The following TMEM263 variants were observed in gnomAD, a reference collection of about 807,000 sequenced individuals.
TMEM263 encodes the protein UPF0444 transmembrane protein C12orf23.
A neutral mutation model predicts 8.6 loss-of-function variants in TMEM263; 5 were observed. The ratio of observed to expected loss-of-function variants is 0.58; its 90% CI spans 0.31 to 1.23. The LOEUF (loss-of-function observed/expected upper bound fraction) is 1.23. Ranked by LOEUF, TMEM263 falls within the 50% of genes most tolerant of loss-of-function variation. The pLI is 0.07. For synonymous variants in TMEM263, 50 were observed against 47.9 expected (o/e 1.04, Z -0.18); for missense variants, 104 against 138.8 (o/e 0.75, Z 1.26).
At chr12:106,970,114 GA>G (rs1298628780) in intron 3 of TMEM263, among the ~76,000 whole-genome samples, 4 of 152,114 alleles carry the variant, frequency 2.6e-5, no homozygotes, top group African/African-American at 4.8e-5. Flanking sequence ...TTTAAATGAT[GA>G]ATAGTTTTTT....
chr12:106,963,013 G>T lies in TMEM263; in HGVS notation c.-6-4098G>T, dbSNP rs571064494. Among the ~76,000 whole-genome samples the T allele has an allele frequency of 9.9e-5, 15 of 152,256 alleles. 1 individual carries two copies. The South Asian group carries it at 3.1e-3, about 32-fold the overall frequency. On this transcript the variant is annotated intron_variant, in intron 2 of 3. Coordinates refer to ENST00000280756, the MANE Select transcript of TMEM263 (RefSeq NM_152261.4). ...GGTGAAAATGATAAGAAGAGTGGAG[G>T]GTGCTCATCTATTATAAGGTGGTCA...
At chr12:106,965,958 C>G (rs1951840157) in intron 2 of TMEM263, among the ~76,000 whole-genome samples, 1 of 151,970 alleles carries the variant, frequency 6.6e-6, no homozygotes, top group Non-Finnish European at 1.5e-5. Context: ...AGGACTTTCT[C>G]AGATAGAACA....
intron 2 of TMEM263, among the ~76,000 whole-genome samples, chr12:106,963,977 C>T (rs1278692223): frequency 3.3e-5 from 5 of 151,902 alleles, no homozygotes; most frequent in Admixed American, 6.6e-5. Context: ...ATGTAATTTC[C>T]CATATTTCTC....
chr12:106,968,491 G>A (rs1228003648), intron 3 of TMEM263, among the ~76,000 whole-genome samples: 2 of 152,160 alleles, frequency 1.3e-5, no homozygotes, highest in Admixed American at 6.5e-5. Context: ...CTGGAACCAT[G>A]GAGTTTTGAA....
At chr12:106,965,332 C>T (rs1011107815) in intron 2 of TMEM263, among the ~76,000 whole-genome samples, 1 of 152,116 alleles carries the variant, frequency 6.6e-6, no homozygotes, top group African/African-American at 2.4e-5. Flanking sequence ...CTTGGCCGGG[C>T]GCAGTGGCTT....
In TMEM263 at chr12:106,958,449, T is replaced by G. The variant is rs1173205364; in HGVS notation, c.-7+1300T>G. On this transcript the variant is annotated intron_variant, in intron 2 of 3. Transcript: ENST00000280756. The stretch of plus-strand genomic sequence containing the variant: ...AATTACCCTTTAGGGAATTGTGTTG[T>G]TAATCCTTGCTCAGTGTATTTGCCA... 2.0e-5 allele frequency among the ~76,000 whole-genome samples: 3 copies of G among 152,362 alleles called. No individual in the cohort carries two copies. The South Asian group carries it at 6.2e-4, about 32-fold the overall frequency.
Position 106,971,150 on chromosome 12 carries a change from G to A in TMEM263, c.110G>A (p.Arg37His), listed in dbSNP as rs367710748. The change falls in exon 4 of 4, where the codon CGT (arginine) becomes CAT (histidine). Residue 37 changes from arginine (R) to histidine (H), a missense_variant. Arg to His is a conservative substitution (Grantham distance 29). Transcript: ENST00000280756. ...HPQQQPGMLS[R>H]VTGGIFSVTK... ...CAGCAGCAGCCAGGCATGTTGTCCC[G>A]TGTGACTGGGGGTATCTTCAGTGTT... is the stretch of plus-strand genomic sequence containing the variant. 1.5e-5 allele frequency: 24 copies of A among 1,614,050 alleles called. No individual in the cohort carries two copies. The highest frequency in any genetic ancestry group is 1.6e-4 in the Middle Eastern group (1 of 6,084).
In TMEM263 at chr12:106,956,065, G is replaced by T; in HGVS notation, c.-75G>T. On this transcript the variant is annotated splice_region_variant and 5_prime_UTR_variant, in exon 1 of 4. Coordinates refer to ENST00000280756, the MANE Select transcript of TMEM263 (RefSeq NM_152261.4). Reference sequence around the variant, plus strand: ...CCCTAGCGCTGGCCGCGACCCCGGCGGTGAGTGAGTCGGGATGCGAGGGCA... The same window carrying T: ...CCCTAGCGCTGGCCGCGACCCCGGCTGTGAGTGAGTCGGGATGCGAGGGCA... 1.0e-6 allele frequency: 1 copy of T among 984,466 alleles called. No homozygotes were observed. The highest frequency in any genetic ancestry group is 1.2e-6 in the Non-Finnish European group (1 of 829,078). The allele number at this position is 984,466 out of a possible 1,614,324, so 61.0% of individuals were successfully genotyped here.
chr12:106,966,803 C>A (rs1951853687), intron 2 of TMEM263: 1 of 267,808 alleles, frequency 3.7e-6, no homozygotes, highest in African/African-American at 2.3e-5. Flanking sequence ...TTCCAGCTCT[C>A]TTTCAGTGAG....
chr12:106,960,745 A>G (rs1951762396), intron 2 of TMEM263, among the ~76,000 whole-genome samples: 1 of 152,108 alleles, frequency 6.6e-6, no homozygotes, highest in Non-Finnish European at 1.5e-5. Flanking sequence ...CAATGCTCAA[A>G]GCACTTTTCA....
At chr12:106,966,349 A>G (rs1012810199) in intron 2 of TMEM263, among the ~76,000 whole-genome samples, 1 of 152,244 alleles carries the variant, frequency 6.6e-6, no homozygotes, top group African/African-American at 2.4e-5. Context: ...ATAGTGTTCC[A>G]TGATGTATAT....
Position 106,971,162 on chromosome 12 carries a change from G to C in TMEM263, c.122G>C (p.Gly41Ala), listed in dbSNP as rs1951915657. ...GGCATGTTGTCCCGTGTGACTGGGG[G>C]TATCTTCAGTGTTACAAAGGGAGCT... The part of the protein sequence containing the change: ...QPGMLSRVTG[G>A]IFSVTKGAVG... Residue 41 changes from glycine to alanine, a missense_variant, in exon 4 of 4, where the codon GGT (glycine) becomes GCT (alanine). Transcript: ENST00000280756. 6.2e-7 allele frequency: 1 copy of C among 1,614,214 alleles called. No individual in the cohort carries two copies. Among genetic ancestry groups the C allele is most frequent in the Non-Finnish European group, 8.5e-7 (1 of 1,180,028 alleles).
Position 106,957,139 on chromosome 12 carries a change from A to C in TMEM263, c.-17A>C. 2 of 986,044 alleles carry C rather than the reference A, an allele frequency of 2.0e-6. No individual in the cohort carries two copies. Among genetic ancestry groups the C allele is most frequent in the Non-Finnish European group, 2.4e-6 (2 of 830,598 alleles). 61.1% of individuals were successfully genotyped at this position (986,044 alleles called of 1,614,324 possible). ...AGGGGTTCCCCAGGAATATCGATAC[A>C]ACACCAACAGGTAAACGCGCGCGCC... On this transcript the variant is annotated 5_prime_UTR_variant, in exon 2 of 4. Coordinates refer to ENST00000280756, the MANE Select transcript of TMEM263 (RefSeq NM_152261.4).
At chr12:106,966,860 CTT>C (rs1951854088) in intron 2 of TMEM263, 1 of 375,106 alleles carries the variant, frequency 2.7e-6, no homozygotes. Context: ...CATAGGAAAA[CTT>C]ATACTATGAC....
chr12:106,959,186 T>A (rs545802787), intron 2 of TMEM263: 1 of 152,324 alleles, frequency 6.6e-6, no homozygotes, highest in East Asian at 1.9e-4. Flanking sequence ...AGATAGTTTG[T>A]ATAGAATTTA....
At chr12:106,962,913 A>G (rs1244222581) in intron 2 of TMEM263, among the ~76,000 whole-genome samples, 1 of 152,222 alleles carries the variant, frequency 6.6e-6, no homozygotes, top group East Asian at 1.9e-4. Context: ...CTGGTGATAG[A>G]GTAGTGAACA....
Position 106,971,720 on chromosome 12 carries a change from A to C in TMEM263, c.*329A>C, listed in dbSNP as rs563487525. On this transcript the variant is annotated 3_prime_UTR_variant, in exon 4 of 4. Transcript: ENST00000280756. ...GTTGAATTTAGTAGATGATCTTCACAGTTCCATATGTATAATGTGCCAGGT... is the reference window on the plus strand; with the variant it reads ...GTTGAATTTAGTAGATGATCTTCACCGTTCCATATGTATAATGTGCCAGGT... 1 of 207,312 alleles carries C rather than the reference A, an allele frequency of 4.8e-6. No individual in the cohort carries two copies. Among genetic ancestry groups the C allele is most frequent in the South Asian group, 1.3e-4 (1 of 7,970 alleles). 12.8% of individuals were successfully genotyped at this position (207,312 alleles called of 1,614,324 possible).
intron 2 of TMEM263, among the ~76,000 whole-genome samples, chr12:106,965,163 C>G (rs745570948): frequency 6.6e-6 from 1 of 152,202 alleles, no homozygotes; most frequent in African/African-American, 2.4e-5. Flanking sequence ...CTTGCTGATC[C>G]AGGTAAGCTC....
At chr12:106,970,236 T>G (rs1951901166) in intron 3 of TMEM263, among the ~76,000 whole-genome samples, 1 of 152,148 alleles carries the variant, frequency 6.6e-6, no homozygotes, top group African/African-American at 2.4e-5. Flanking sequence ...TCAGGATGCC[T>G]TTACAATGTC....
Sources: allele counts gnomAD v4.1 joint callset (sites outside exome capture counted in the v4.1 genomes callset), GRCh38; gene constraint gnomAD v4.1.1; transcripts MANE v1.5; gene names NCBI Gene and HGNC (gene_info 2026-07-23, HGNC 2026-07-21).